Variants in ACTR3C observed in about 807,000 individuals in gnomAD.
ACTR3C encodes actin-related protein 3C.
ACTR3C carries 18 observed loss-of-function variants against 26.3 expected under a neutral mutation model. That is an observed-to-expected ratio of 0.68 (90% confidence interval 0.47 to 1.01). The LOEUF is 1.01. ACTR3C is among the 50% of genes least tolerant of loss of function. ACTR3C has a pLI of 0.00. For missense variants in ACTR3C, 184 were observed against 250.7 expected (o/e 0.73, Z 1.80); for synonymous variants, 55 against 94.5 (o/e 0.58, Z 2.42).
chr7:150,095,911 A>G, the ACTR3C span, among the ~76,000 whole-genome samples: 1 of 150,204 alleles, frequency 6.7e-6, no homozygotes, highest in Non-Finnish European at 1.5e-5. Flanking sequence ...TCACTGACAT[A>G]TAAACTACAG....
the ACTR3C span, among the ~76,000 whole-genome samples, chr7:150,192,893 G>A: frequency 6.6e-6 from 1 of 152,288 alleles, no homozygotes; most frequent in East Asian, 1.9e-4. Flanking sequence ...CTAGAATCAT[G>A]AAGTTTTACT....
At chr7:150,265,376 A>T (rs13438014) in intron 6 of ACTR3C, among the ~76,000 whole-genome samples, 17,357 of 148,144 alleles carry the variant, frequency 0.12, 1,761 homozygotes, top group African/African-American at 0.26. Context: ...AGATTTTTTT[A>T]AAAAAACATT....
chr7:150,094,901 C>T, the ACTR3C span, among the ~76,000 whole-genome samples: 1 of 149,666 alleles, frequency 6.7e-6, no homozygotes, highest in Non-Finnish European at 1.5e-5. Flanking sequence ...GAAAACCCTA[C>T]CCACTTCTCT....
the ACTR3C span, among the ~76,000 whole-genome samples, chr7:149,901,123 T>C: frequency 0.48 from 73,183 of 152,082 alleles, 19,589 homozygotes; most frequent in South Asian, 0.77. Context: ...TATTAATCTA[T>C]TGAAGAACAT....
downstream of ACTR3C, among the ~76,000 whole-genome samples, chr7:150,239,339 T>C (rs1345565226): frequency 1.4e-5 from 2 of 147,554 alleles, no homozygotes; most frequent in East Asian, 3.9e-4. Context: ...TCCTCAGGAA[T>C]TTGTGTCAAA....
intron 4 of ACTR3C, 77 bp from the exon 5 acceptor site, chr7:150,286,617 G>C: frequency 6.4e-7 from 1 of 1,574,666 alleles, no homozygotes; most frequent in Non-Finnish European, 8.6e-7. Context: ...TAACCAGGAA[G>C]CCCATGCAGT....
the ACTR3C span, among the ~76,000 whole-genome samples, chr7:149,925,391 A>G: frequency 2.0e-5 from 3 of 152,224 alleles, no homozygotes; most frequent in African/African-American, 7.2e-5. Flanking sequence ...AGGAACAACA[A>G]TCGAAAACAC....
At chr7:150,127,586 G>C in the ACTR3C span, among the ~76,000 whole-genome samples, 1 of 152,178 alleles carries the variant, frequency 6.6e-6, no homozygotes, top group East Asian at 1.9e-4. Context: ...AAGCCAAGAA[G>C]AGTGAGCCTT....
chr7:149,996,456 A>T, the ACTR3C span, among the ~76,000 whole-genome samples: 1 of 150,070 alleles, frequency 6.7e-6, no homozygotes, highest in African/African-American at 2.4e-5. Context: ...AGAAAAGGAA[A>T]CAGGCAAAGA....
At chr7:149,966,978 C>T in the ACTR3C span, among the ~76,000 whole-genome samples, 1 of 150,976 alleles carries the variant, frequency 6.6e-6, no homozygotes, top group African/African-American at 2.4e-5. Flanking sequence ...TCTCCAGCCT[C>T]CACCTCCTGA....
At chr7:150,321,670 G>A (rs770121863) in intron 1 of ACTR3C, among the ~76,000 whole-genome samples, 5 of 152,178 alleles carry the variant, frequency 3.3e-5, no homozygotes, top group Non-Finnish European at 7.3e-5. Flanking sequence ...AACTCAGGAG[G>A]TGGAGGTTGC....
the ACTR3C span, among the ~76,000 whole-genome samples, chr7:150,043,153 A>C: frequency 1.3e-5 from 2 of 149,966 alleles, no homozygotes; most frequent in East Asian, 2.0e-4. Context: ...GTTCGGACCC[A>C]TGTCTTATTG....
the ACTR3C span, among the ~76,000 whole-genome samples, chr7:150,109,221 A>G: frequency 6.6e-6 from 1 of 151,932 alleles, no homozygotes; most frequent in Non-Finnish European, 1.5e-5. Context: ...AGCTACAAAT[A>G]CATTTCTGTT....
At chr7:150,049,365 G>A in the ACTR3C span, among the ~76,000 whole-genome samples, 2 of 152,178 alleles carry the variant, frequency 1.3e-5, no homozygotes, top group African/African-American at 4.8e-5. Context: ...CACATCCAGA[G>A]AGCGAACGTG....
Position 150,302,105 on chromosome 7 carries a change from G to A in ACTR3C, c.-51-6758C>T, listed in dbSNP as rs1280145365. On this transcript the variant is annotated intron_variant, in intron 1 of 7. Coordinates refer to ENST00000683684, the MANE Select transcript of ACTR3C (RefSeq NM_001164458.2). Reference sequence around the variant, plus strand: ...AAGAAAAGCAATAAAACAACGATACGTAAAAGAGCACAGGGCATGAACAGA... The same window carrying A: ...AAGAAAAGCAATAAAACAACGATACATAAAAGAGCACAGGGCATGAACAGA... 2.6e-5 allele frequency among the ~76,000 whole-genome samples: 4 copies of A among 152,068 alleles called. No homozygotes were observed. The East Asian group carries it at 7.7e-4, about 29-fold the overall frequency.
chr7:149,939,861 C>G, the ACTR3C span, among the ~76,000 whole-genome samples: 1 of 147,104 alleles, frequency 6.8e-6, no homozygotes, highest in Admixed American at 6.9e-5. Flanking sequence ...TTTGAAAGAA[C>G]CTCACACATC....
the ACTR3C span, among the ~76,000 whole-genome samples, chr7:150,036,007 C>A: frequency 8.8e-6 from 1 of 114,242 alleles, no homozygotes; most frequent in African/African-American, 4.0e-5. Context: ...GGTGCCTCCG[C>A]CCCCAGCGAT....
the ACTR3C span, among the ~76,000 whole-genome samples, chr7:149,957,843 G>C: frequency 1.3e-5 from 2 of 152,138 alleles, no homozygotes; most frequent in African/African-American, 4.8e-5. Context: ...CCTCCTGCTT[G>C]AGGACCTCCT....
chr7:150,259,096 G>A (rs1213704491), intron 6 of ACTR3C, among the ~76,000 whole-genome samples: 1 of 151,682 alleles, frequency 6.6e-6, no homozygotes, highest in East Asian at 1.9e-4. Context: ...CTCCTGTATT[G>A]TGGTCTCTCC....
Sources: allele counts gnomAD v4.1 joint callset (sites outside exome capture counted in the v4.1 genomes callset), GRCh38; gene constraint gnomAD v4.1.1; transcripts MANE v1.5; gene names NCBI Gene and HGNC (gene_info 2026-07-23, HGNC 2026-07-21).